Variants in PARP1 observed in about 807,000 individuals in gnomAD.
PARP1 encodes the protein poly [ADP-ribose] polymerase 1.
A neutral mutation model predicts 118.7 loss-of-function variants in PARP1; 44 were observed. The observed-to-expected ratio is 0.37, with a 90% CI of 0.29 to 0.48. The LOEUF is 0.48. Ranked by LOEUF, PARP1 falls within the 20% of genes least tolerant of loss-of-function variation. PARP1 has a pLI of 0.99. For synonymous variants in PARP1, 492 were observed against 483.2 expected (o/e 1.02, Z -0.24); for missense variants, 1,100 against 1,272.4 (o/e 0.86, Z 2.06).
chr1:226,374,023 A>G (rs1664444066), intron 14 of PARP1, among the ~76,000 whole-genome samples: 1 of 152,166 alleles, frequency 6.6e-6, no homozygotes, highest in African/African-American at 2.4e-5. Flanking sequence ...GCTTCACTGC[A>G]AATCAAACAA....
chr1:226,365,366 A>G (rs575205586), intron 18 of PARP1, among the ~76,000 whole-genome samples: 4 of 152,220 alleles, frequency 2.6e-5, no homozygotes, highest in Non-Finnish European at 5.9e-5. Context: ...GGTTAGTATT[A>G]CTGTGCAGCA....
intron 1 of PARP1, among the ~76,000 whole-genome samples, chr1:226,406,815 C>G (rs1404303479): frequency 6.6e-6 from 1 of 152,128 alleles, no homozygotes; most frequent in Admixed American, 6.5e-5. Context: ...CTTGGGTATC[C>G]ACTCGGTAAA....
At chr1:226,403,263 C>T (rs1665073089) in intron 1 of PARP1, among the ~76,000 whole-genome samples, 1 of 152,224 alleles carries the variant, frequency 6.6e-6, no homozygotes, top group African/African-American at 2.4e-5. Flanking sequence ...ACTGCAACCT[C>T]TGTCTCCTGG....
chr1:226,394,976 T>G (rs1171224964), intron 2 of PARP1, among the ~76,000 whole-genome samples: 2 of 152,214 alleles, frequency 1.3e-5, no homozygotes, highest in Non-Finnish European at 2.9e-5. Flanking sequence ...ATGACTACTG[T>G]GCACTTGAAT....
At chr1:226,407,394 A>G (rs1256708346) in intron 1 of PARP1, among the ~76,000 whole-genome samples, 1 of 150,512 alleles carries the variant, frequency 6.6e-6, no homozygotes, top group Non-Finnish European at 1.5e-5. Flanking sequence ...AAAAACCCAC[A>G]TGTCAGTCGC....
Position 226,383,180 on chromosome 1 carries a change from A to G in PARP1, c.1015T>C (p.Phe339Leu). The change falls in exon 8 of 23, where the codon TTC (phenylalanine) becomes CTC (leucine). Residue 339 changes from phenylalanine to leucine, a missense_variant. By Grantham distance (22) the Phe-to-Leu change is conservative. Around this residue, in one of 2 missense-constraint regions of PARP1, gnomAD observed 948 missense variants for 1,031.8 expected, o/e 0.92. Transcript: ENST00000366794. ...NRKEWVTPKE[F>L]REISYLKKLK... The stretch of plus-strand genomic sequence containing the variant: ...TTCTTGAGGTAAGAGATTTCTCGGA[A>G]TTCCTAAAAAATATTAAGTTTTAGT... The G allele has an allele frequency of 6.2e-7, 1 of 1,612,762 alleles. No individual in the cohort carries two copies. The highest frequency in any genetic ancestry group is 1.1e-5 in the South Asian group (1 of 91,038).
intron 1 of PARP1, among the ~76,000 whole-genome samples, chr1:226,404,309 ACGTT>A (rs1184619470): frequency 3.9e-5 from 6 of 152,174 alleles, no homozygotes; most frequent in Admixed American, 3.9e-4. Context: ...CAACTCTCAA[ACGTT>A]CCACCAGATC....
intron 2 of PARP1, among the ~76,000 whole-genome samples, chr1:226,395,414 T>C (rs1664896086): frequency 6.6e-6 from 1 of 152,206 alleles, no homozygotes; most frequent in South Asian, 2.1e-4. Flanking sequence ...TGCAGAAACC[T>C]GGCCGTGTGC....
intron 13 of PARP1, among the ~76,000 whole-genome samples, chr1:226,374,591 T>A (rs1169565705): frequency 6.6e-6 from 1 of 152,204 alleles, no homozygotes; most frequent in African/African-American, 2.4e-5. Flanking sequence ...CTCCAGATTC[T>A]TATTCTAGTT....
At chr1:226,406,269 A>G (rs1665145234) in intron 1 of PARP1, among the ~76,000 whole-genome samples, 1 of 152,130 alleles carries the variant, frequency 6.6e-6, no homozygotes, top group South Asian at 2.1e-4. Context: ...GGAGATGGAG[A>G]TATCAATTTT....
At chr1:226,377,689 T>C (rs2102734026) in intron 12 of PARP1, among the ~76,000 whole-genome samples, 1 of 152,128 alleles carries the variant, frequency 6.6e-6, no homozygotes, top group African/African-American at 2.4e-5. Context: ...CTAAAAATAA[T>C]GAAACTTTCA....
At chr1:226,379,670 T>C (rs1477519166) in intron 10 of PARP1, 29 bp from the exon 11 acceptor site, 5 of 1,546,272 alleles carry the variant, frequency 3.2e-6, no homozygotes, top group Non-Finnish European at 4.5e-6. Context: ...AATGTAAACA[T>C]GAAGTTAAAT....
At position 226,381,198 on chromosome 1, in the gene PARP1, T is replaced by A. The variant is rs1374014344; in HGVS notation, c.1170A>T (p.Leu390Phe). 1 of 1,614,042 alleles carries A rather than the reference T, an allele frequency of 6.2e-7. No individual in the cohort carries two copies. Among genetic ancestry groups the A allele is most frequent in the Non-Finnish European group, 8.5e-7 (1 of 1,180,032 alleles). Residue 390 changes from leucine (L) to phenylalanine (F), a missense_variant, in exon 9 of 23, where the codon TTA becomes TTT. Physicochemically the swap from Leu to Phe is conservative, Grantham distance 22. This residue lies in a region of PARP1 where 948 missense variants were observed against 1,031.8 expected (regional missense o/e 0.92). Coordinates refer to ENST00000366794, the MANE Select transcript of PARP1 (RefSeq NM_001618.4). ...VNSSASADKPLSNMKILTLGK... is the reference protein window; with the variant it reads ...VNSSASADKPFSNMKILTLGK... Reference sequence around the variant, plus strand: ...CGAGAGTCAGGATCTTCATGTTGGATAATGGCTTATCTGGGATGAAAGGAG... The same window carrying A: ...CGAGAGTCAGGATCTTCATGTTGGAAAATGGCTTATCTGGGATGAAAGGAG...
chr1:226,360,883 CTAAGTA>C lies in PARP1; in HGVS notation c.*571_*576del, dbSNP rs1664120909. Reference sequence around the variant, plus strand: ...TGGAGAAGGAAAGCTCTTTTTGTTTCTAAGTATGAGAAATTGTTAGCGTTCCTTCCT... The same window carrying C: ...TGGAGAAGGAAAGCTCTTTTTGTTTCTGAGAAATTGTTAGCGTTCCTTCCT... On this transcript the variant is annotated 3_prime_UTR_variant, in exon 23 of 23. Transcript: ENST00000366794. 1 of 226,952 alleles carries C rather than the reference CTAAGTA, an allele frequency of 4.4e-6. No homozygotes were observed. The highest frequency in any genetic ancestry group is 2.2e-5 in the African/African-American group (1 of 45,042). The allele number at this position is 226,952 out of a possible 1,614,324, so 14.1% of individuals were successfully genotyped here.
chr1:226,390,776 A>C, intron 3 of PARP1, 152 bp from the exon 4 acceptor site: 1 of 728,120 alleles, frequency 1.4e-6, no homozygotes, highest in East Asian at 2.7e-5. Flanking sequence ...TGAGAGGTTT[A>C]GCTCTCTCAG....
chr1:226,389,073 TAA>T (rs1042972381), intron 4 of PARP1, among the ~76,000 whole-genome samples: 6 of 143,978 alleles, frequency 4.2e-5, no homozygotes, highest in African/African-American at 5.1e-5. Flanking sequence ...CGTCTGAGGT[TAA>T]AAAAAAAAAA....
At chr1:226,402,545 T>C (rs573884476) in intron 1 of PARP1, among the ~76,000 whole-genome samples, 166 bp from the exon 2 acceptor site, 1 of 152,244 alleles carries the variant, frequency 6.6e-6, no homozygotes, top group Non-Finnish European at 1.5e-5. Flanking sequence ...CGCTCTCACA[T>C]GAAGAGCTGC....
chr1:226,370,074 G>C (rs538749649), intron 15 of PARP1, among the ~76,000 whole-genome samples: 8 of 151,602 alleles, frequency 5.3e-5, no homozygotes, highest in African/African-American at 1.9e-4. Context: ...GGCACTCTAG[G>C]ACTTGAGCAT....
chr1:226,364,512 A>C (rs1045230390), intron 19 of PARP1: 95 of 304,296 alleles, frequency 3.1e-4, no homozygotes, highest in Non-Finnish European at 3.9e-5. Flanking sequence ...CCCCAGAGAG[A>C]ATCATTTAAA....
Sources: gnomAD v4.1 joint callset for allele counts (sites outside exome capture counted in the v4.1 genomes callset) on GRCh38, gnomAD v4.1.1 for gene constraint, gnomAD v4.1.1 regional missense constraint, MANE v1.5 for transcripts, NCBI Gene and HGNC (gene_info 2026-07-23, HGNC 2026-07-21) for gene names.